The following VAV1 variants were observed in gnomAD, a reference collection of about 807,000 sequenced individuals.
VAV1 encodes the protein vav guanine nucleotide exchange factor 1.
VAV1 carries 33 observed loss-of-function variants against 128.1 expected under a neutral mutation model. The ratio of observed to expected loss-of-function variants is 0.26; its 90% CI spans 0.20 to 0.34. The LOEUF (loss-of-function observed/expected upper bound fraction) is 0.34, where lower values mean the gene tolerates loss of function less well. Among genes scored for constraint, VAV1 ranks in the 10% least tolerant of loss-of-function variants. The pLI is 1.00. For synonymous variants in VAV1, 394 were observed against 409.8 expected (o/e 0.96, Z 0.47); for missense variants, 715 against 1,093.7 (o/e 0.65, Z 4.88).
chr19:6,787,379 T>C (rs184468501), intron 1 of VAV1, among the ~76,000 whole-genome samples: 1 of 152,144 alleles, frequency 6.6e-6, no homozygotes, highest in African/African-American at 2.4e-5. Flanking sequence ...TTTCACCAAG[T>C]TGGCAAGGCT....
intron 13 of VAV1, among the ~76,000 whole-genome samples, chr19:6,829,564 GCAGGA>G (rs1180328329): frequency 1.1e-4 from 16 of 152,222 alleles, no homozygotes; most frequent in Non-Finnish European, 2.2e-4. Flanking sequence ...TGATGGACAG[GCAGGA>G]CAGGGCCAGC....
intron 1 of VAV1, among the ~76,000 whole-genome samples, chr19:6,811,287 C>T (rs752354969): frequency 1.3e-5 from 2 of 152,180 alleles, no homozygotes; most frequent in African/African-American, 4.8e-5. Context: ...CCACCCTCTT[C>T]GGCCTCCCAT....
chr19:6,838,542 G>A (rs891260018), intron 21 of VAV1, among the ~76,000 whole-genome samples: 7 of 151,744 alleles, frequency 4.6e-5, no homozygotes, highest in Admixed American at 2.6e-4. Flanking sequence ...TCTATTCACC[G>A]ATCATCTCTC....
intron 19 of VAV1, 122 bp downstream of exon 19, chr19:6,834,075 A>G: frequency 7.2e-7 from 1 of 1,397,876 alleles, no homozygotes; most frequent in Non-Finnish European, 1.0e-6. Flanking sequence ...AATAGCTCAC[A>G]CCTGTAATCC....
Position 6,836,418 on chromosome 19 carries a change from A to G in VAV1, c.1778-14A>G. The G allele has an allele frequency of 2.5e-6, 4 of 1,613,738 alleles. No homozygotes were observed. Among genetic ancestry groups the G allele is most frequent in the Non-Finnish European group, 3.4e-6 (4 of 1,179,790 alleles). ...ACTGCCAACCACCCTGTACTCCTGT[A>G]CCCTGTCCTCCAGGTCTGCCCAAGA... On this transcript the variant is annotated splice_polypyrimidine_tract_variant and intron_variant, in intron 19 of 26. Transcript: ENST00000602142.
intron 1 of VAV1, among the ~76,000 whole-genome samples, chr19:6,778,362 G>A (rs893466745): frequency 6.6e-6 from 1 of 152,154 alleles, no homozygotes; most frequent in African/African-American, 2.4e-5. Context: ...TTAGACCTAG[G>A]ATGTGGGCAG....
chr19:6,816,244 T>C (rs1971645488), intron 1 of VAV1, among the ~76,000 whole-genome samples: 1 of 152,018 alleles, frequency 6.6e-6, no homozygotes, highest in South Asian at 2.1e-4. Flanking sequence ...ATGGTCTCGA[T>C]CTCCTGACTT....
At chr19:6,813,873 G>A (rs1189151748) in intron 1 of VAV1, among the ~76,000 whole-genome samples, 1 of 152,006 alleles carries the variant, frequency 6.6e-6, no homozygotes, top group East Asian at 1.9e-4. Flanking sequence ...GTGTGACATA[G>A]TGACATCCTG....
intron 1 of VAV1, among the ~76,000 whole-genome samples, chr19:6,784,493 CTTTTT>C (rs10590205): frequency 4.3e-5 from 6 of 138,042 alleles, no homozygotes; most frequent in Admixed American, 7.3e-5. Context: ...CATTCTGTTC[CTTTTT>C]TTTTTTTTTT....
Position 6,817,437 on chromosome 19 carries a change from G to A in VAV1, c.205-3265G>A, listed in dbSNP as rs527857465. ...AGTATGTCAGAATCACCTGAGGAGA[G>A]TGTTAATATGCAGATTCCCAGGCCC... On this transcript the variant is annotated intron_variant, in intron 1 of 26. Coordinates refer to ENST00000602142, the MANE Select transcript of VAV1 (RefSeq NM_005428.4). 3.9e-5 allele frequency among the ~76,000 whole-genome samples: 6 copies of A among 152,130 alleles called. No homozygotes were observed. The South Asian group carries it at 1.2e-3, about 32-fold the overall frequency.
In VAV1 at chr19:6,833,707, G is replaced by A. The variant is rs769451080; in HGVS notation, c.1709-4G>A. On this transcript the variant is annotated splice_region_variant and splice_polypyrimidine_tract_variant and intron_variant, in intron 17 of 26. Coordinates refer to ENST00000602142, the MANE Select transcript of VAV1 (RefSeq NM_005428.4). ...TTCTCACCATTTCCTTTACCCTCCC[G>A]TAGATTTCCCAGGAACTATGAAGAA... The A allele has an allele frequency of 6.9e-5, 112 of 1,613,992 alleles. No homozygotes were observed. The highest frequency in any genetic ancestry group is 1.3e-4 in the East Asian group (6 of 44,896).
intron 1 of VAV1, among the ~76,000 whole-genome samples, chr19:6,802,692 C>G (rs1971302035): frequency 6.6e-6 from 1 of 152,164 alleles, no homozygotes; most frequent in South Asian, 2.1e-4. Flanking sequence ...CTAAGAGGCA[C>G]CAGGAGCAGC....
chr19:6,791,421 G>A (rs759934205), intron 1 of VAV1, among the ~76,000 whole-genome samples: 6 of 151,588 alleles, frequency 4.0e-5, no homozygotes, highest in Admixed American at 3.9e-4. Context: ...CGAGGTCCTT[G>A]AGCTATCTCA....
At chr19:6,832,222 T>C (rs1208533698) in intron 15 of VAV1, 22 bp downstream of exon 15, 2 of 1,611,056 alleles carry the variant, frequency 1.2e-6, no homozygotes, top group Non-Finnish European at 1.7e-6. Flanking sequence ...TCTTCCTCCC[T>C]CTTTCTGTCC....
intron 21 of VAV1, 113 bp downstream of exon 21, chr19:6,837,163 G>T: frequency 9.0e-7 from 1 of 1,116,946 alleles, no homozygotes; most frequent in East Asian, 2.4e-5. Context: ...TGCCCATCAT[G>T]GCAGGTCTTT....
At chr19:6,838,308 TATC>T in intron 21 of VAV1, among the ~76,000 whole-genome samples, 1 of 148,710 alleles carries the variant, frequency 6.7e-6, no homozygotes, top group Admixed American at 6.7e-5. Flanking sequence ...TCTATCTATC[TATC>T]TATCTATCTA....
At chr19:6,791,118 A>G (rs917881079) in intron 1 of VAV1, among the ~76,000 whole-genome samples, 10 of 152,198 alleles carry the variant, frequency 6.6e-5, no homozygotes, top group Non-Finnish European at 1.0e-4. Context: ...TTTAGGGCCC[A>G]CCTGGATGAT....
intron 8 of VAV1, among the ~76,000 whole-genome samples, chr19:6,825,916 C>G (rs181915349): frequency 6.6e-6 from 1 of 151,956 alleles, no homozygotes; most frequent in South Asian, 2.1e-4. Context: ...ATTAGCTGGG[C>G]GTGGTGGCAT....
intron 1 of VAV1, among the ~76,000 whole-genome samples, chr19:6,773,399 G>A (rs1427064491): frequency 6.6e-6 from 1 of 152,162 alleles, no homozygotes; most frequent in Non-Finnish European, 1.5e-5. Context: ...GGACTCCTTT[G>A]ACCCCCAGAG....
Sources: gnomAD v4.1 joint callset for allele counts (sites outside exome capture counted in the v4.1 genomes callset) on GRCh38, gnomAD v4.1.1 for gene constraint, MANE v1.5 for transcripts, NCBI Gene and HGNC (gene_info 2026-07-23, HGNC 2026-07-21) for gene names.